ARSG: variants seen among roughly 807,000 people sequenced by gnomAD.
ARSG encodes arylsulfatase G, also known as ASG.
ARSG carries 37 observed loss-of-function variants against 50.5 expected under a neutral mutation model. The ratio of observed to expected loss-of-function variants is 0.73; its 90% confidence interval spans 0.56 to 0.96. ARSG has a LOEUF of 0.96. Ranked by LOEUF, ARSG falls within the 50% of genes least tolerant of loss-of-function variation. The probability of loss-of-function intolerance (pLI) is 0.00; values close to 1 mark genes in which losing one functional copy is unlikely to be tolerated. For missense variants in ARSG, 629 were observed against 675.3 expected (o/e 0.93, Z 0.76); for synonymous variants, 225 against 254.6 (o/e 0.88, Z 1.11).
intron 2 of ARSG, among the ~76,000 whole-genome samples, chr17:68,315,857 T>A (rs2077050137): frequency 1.3e-5 from 2 of 152,132 alleles, no homozygotes; most frequent in Admixed American, 1.3e-4. Context: ...GATCTTGAAC[T>A]CGACCTCAGG....
intron 2 of ARSG, among the ~76,000 whole-genome samples, chr17:68,318,148 A>G (rs1378015080): frequency 6.6e-6 from 1 of 152,110 alleles, no homozygotes; most frequent in African/African-American, 2.4e-5. Context: ...AGCAACTTGC[A>G]TTACAATAGG....
chr17:68,422,723 T>TATCA (rs2082883415), downstream of ARSG: 1 of 101,592 alleles, frequency 9.8e-6, no homozygotes, highest in Non-Finnish European at 1.8e-5. Context: ...AGTGAGACTC[T>TATCA]ATCATCTCAA....
At chr17:68,277,250 G>T (rs2075553668) in intron 1 of ARSG, among the ~76,000 whole-genome samples, 1 of 151,568 alleles carries the variant, frequency 6.6e-6, no homozygotes, top group Admixed American at 6.6e-5. Flanking sequence ...TCCTACCTCA[G>T]CCTCCTGAGT....
chr17:68,365,323 A>G (rs1392789807), intron 6 of ARSG, among the ~76,000 whole-genome samples: 1 of 152,224 alleles, frequency 6.6e-6, no homozygotes, highest in Non-Finnish European at 1.5e-5. Flanking sequence ...GAAACAAAAA[A>G]CAACAACAAA....
chr17:68,422,600 ATGC>A, downstream of ARSG: 1 of 151,878 alleles, frequency 6.6e-6, no homozygotes. Context: ...GCATGGTAGC[ATGC>A]CTGAAACCCC....
At position 68,324,785 on chromosome 17, in the gene ARSG, C is replaced by A. The variant is rs73355967; in HGVS notation, c.218+17074C>A. 2.0e-3 allele frequency among the ~76,000 whole-genome samples: 304 copies of A among 152,238 alleles called. 1 individual carries two copies. Among genetic ancestry groups the A allele is most frequent in the African/African-American group, 6.9e-3 (288 of 41,512 alleles). The stretch of plus-strand genomic sequence containing the variant: ...TGAGTAGAGTAGTAGCCACTTGGTA[C>A]GTGTTAGATATTTTTGTTACTATAA... On this transcript the variant is annotated intron_variant, in intron 2 of 11. Transcript: ENST00000621439.
chr17:68,342,817 A>G (rs1329173033), intron 2 of ARSG, among the ~76,000 whole-genome samples: 2 of 152,214 alleles, frequency 1.3e-5, no homozygotes, highest in African/African-American at 2.4e-5. Flanking sequence ...ATACACTGTG[A>G]GGACATTTGT....
intron 8 of ARSG, 69 bp downstream of exon 8, chr17:68,370,593 G>C: frequency 1.4e-6 from 2 of 1,448,154 alleles, no homozygotes; most frequent in Non-Finnish European, 1.9e-6. Context: ...GTGGGATTCT[G>C]CCTCCGGGTG....
intron 1 of ARSG, among the ~76,000 whole-genome samples, chr17:68,294,937 G>A (rs1307570560): frequency 6.6e-6 from 1 of 152,086 alleles, no homozygotes; most frequent in Non-Finnish European, 1.5e-5. Context: ...TTTGCCAAGG[G>A]GTTCTGAGGC....
At chr17:68,356,520 A>T in intron 5 of ARSG, 147 bp from the exon 6 acceptor site, 1 of 851,278 alleles carries the variant, frequency 1.2e-6, no homozygotes, top group Non-Finnish European at 1.8e-6. Context: ...ATAGACTTTT[A>T]CACTTGGAGG....
At chr17:68,299,467 T>A (rs1287236914) in intron 1 of ARSG, among the ~76,000 whole-genome samples, 1 of 151,824 alleles carries the variant, frequency 6.6e-6, no homozygotes, top group African/African-American at 2.4e-5. Context: ...GGGAAAGATA[T>A]GATGCATAAG....
intron 1 of ARSG, among the ~76,000 whole-genome samples, chr17:68,264,438 TCTCAA>T (rs1413731908): frequency 6.6e-6 from 1 of 152,134 alleles, no homozygotes; most frequent in African/African-American, 2.4e-5. Context: ...GAGTACATGG[TCTCAA>T]CTCTTTTTTT....
intron 1 of ARSG, among the ~76,000 whole-genome samples, chr17:68,276,300 G>C (rs2075517951): frequency 6.6e-6 from 1 of 151,942 alleles, no homozygotes. Context: ...AAAACATGTA[G>C]AACTGCCTTG....
rs781907983 is a variant in ARSG at position 68,271,175 on chromosome 17, C to T, written c.-552+11749C>T. ...GCCATCGTAGATAATAAAAAAGCAG[C>T]GCGGTCCTGGTCAATGCCCAGACTA... is the stretch of plus-strand genomic sequence containing the variant. On this transcript the variant is annotated intron_variant, in intron 1 of 11. Coordinates refer to the ARSG transcript ENST00000448504. The surrounding 1 kb of genome is among the most constrained non-coding windows in gnomAD (Gnocchi z 5.3). 22 of 1,613,882 alleles carry T rather than the reference C, an allele frequency of 1.4e-5. No individual in the cohort carries two copies. The highest frequency in any genetic ancestry group is 4.4e-5 in the South Asian group (4 of 91,086).
At chr17:68,321,398 A>T (rs1320646491) in intron 2 of ARSG, among the ~76,000 whole-genome samples, 1 of 152,150 alleles carries the variant, frequency 6.6e-6, no homozygotes, top group African/African-American at 2.4e-5. Flanking sequence ...GGCTGGGCTG[A>T]GCTGGTTCTC....
chr17:68,323,491 C>T (rs2077376590), intron 2 of ARSG, among the ~76,000 whole-genome samples: 1 of 152,102 alleles, frequency 6.6e-6, no homozygotes, highest in African/African-American at 2.4e-5. Context: ...CTCAAGCAGT[C>T]CTTCCACTTC....
chr17:68,278,704 C>T (rs541349229), intron 1 of ARSG, among the ~76,000 whole-genome samples: 67 of 147,178 alleles, frequency 4.6e-4, no homozygotes, highest in Non-Finnish European at 7.1e-4. Context: ...ACTGAAATCT[C>T]GGCCTCCCGG....
chr17:68,418,136 C>T (rs548483693), intron 11 of ARSG, among the ~76,000 whole-genome samples: 26 of 152,252 alleles, frequency 1.7e-4, no homozygotes, highest in African/African-American at 5.5e-4. Context: ...CCTATTTAGT[C>T]GTCCTTAAAA....
chr17:68,381,293 C>T lies in ARSG; in HGVS notation c.983-3771C>T, dbSNP rs1013235978. 4.6e-5 allele frequency among the ~76,000 whole-genome samples: 7 copies of T among 152,172 alleles called. No individual in the cohort carries two copies. The highest frequency in any genetic ancestry group is 1.7e-4 in the African/African-American group (7 of 41,426). On this transcript the variant is annotated intron_variant, in intron 8 of 11. Coordinates refer to ENST00000621439, the MANE Select transcript of ARSG (RefSeq NM_001267727.2). The surrounding 1 kb of genome is among the most constrained non-coding windows in gnomAD (Gnocchi z 4.1). ...AGCACAAATAAGCAAATTCATGAAT[C>T]ATGGTTTTGTTGATATTTTGGTTGC...
Sources: allele counts gnomAD v4.1 joint callset (sites outside exome capture counted in the v4.1 genomes callset), GRCh38; gene constraint gnomAD v4.1.1; non-coding constraint Gnocchi (gnomAD v3.1); transcripts MANE v1.5; gene names NCBI Gene and HGNC (gene_info 2026-07-23, HGNC 2026-07-21).